The following ZSCAN5A variants were observed in gnomAD, a reference collection of about 807,000 sequenced individuals.
ZSCAN5A encodes zinc finger and SCAN domain containing 5A, also known as zinc finger and SCAN domain-containing protein 5A.
Under a neutral mutation model 23.7 loss-of-function variants are expected in ZSCAN5A, and 12 were observed. That is an observed-to-expected ratio of 0.51 (90% CI 0.32 to 0.82). The LOEUF is 0.82. ZSCAN5A is among the 40% of genes least tolerant of loss of function. The pLI is 0.03. For missense variants in ZSCAN5A, 597 were observed against 617.9 expected (o/e 0.97, Z 0.36); for synonymous variants, 257 against 239.9 (o/e 1.07, Z -0.66).
chr19:56,320,872 C>G, intron 2 of ZSCAN5A: 1 of 769,508 alleles, frequency 1.3e-6, no homozygotes, highest in Non-Finnish European at 2.4e-6. Flanking sequence ...GGACAAGCTT[C>G]ATGTAGAGTG....
intron 2 of ZSCAN5A, chr19:56,321,170 G>A: frequency 1.5e-6 from 1 of 657,648 alleles, no homozygotes; most frequent in South Asian, 1.5e-5. Flanking sequence ...CACAGCTCAG[G>A]TAATTACGTG....
At chr19:56,283,688 G>A (rs567193967) in intron 2 of ZSCAN5A, 1 of 152,160 alleles carries the variant, frequency 6.6e-6, no homozygotes. Flanking sequence ...AAGTCAGAGA[G>A]ATCTGAGTTT....
At chr19:56,259,791 TA>T (rs1028953385) in intron 2 of ZSCAN5A, among the ~76,000 whole-genome samples, 1 of 152,190 alleles carries the variant, frequency 6.6e-6, no homozygotes, top group Non-Finnish European at 1.5e-5. Flanking sequence ...CTGGGCAATG[TA>T]ACGAAACCCC....
At position 56,223,715 on chromosome 19, in the gene ZSCAN5A, C is replaced by T. The variant is rs201727637; in HGVS notation, c.504G>A (p.Ser168=). The T allele has an allele frequency of 6.2e-6, 10 of 1,613,836 alleles. No homozygotes were observed. The highest frequency in any genetic ancestry group is 3.3e-5 in the Admixed American group (2 of 60,002). Residue 168 remains serine, a synonymous_variant, in exon 4 of 6, where the codon TCG becomes TCA. Coordinates refer to ENST00000683990, the MANE Select transcript of ZSCAN5A (RefSeq NM_001322064.3). The part of the protein sequence containing the change: ...LKDVSSQRAS[S]VNQMRPGEGQ... The stretch of plus-strand genomic sequence containing the variant: ...CTTCCCCTGGACGCATCTGGTTCAC[C>T]GAGGAGGCCCGTTGGCTGGACACGT...
At chr19:56,244,968 G>C (rs968319905) in intron 2 of ZSCAN5A, among the ~76,000 whole-genome samples, 1 of 152,076 alleles carries the variant, frequency 6.6e-6, no homozygotes, top group Admixed American at 6.6e-5. Context: ...CAATTGAGTT[G>C]GATTCACCCA....
At chr19:56,334,100 G>C (rs2041513760) in intron 2 of ZSCAN5A, among the ~76,000 whole-genome samples, 1 of 152,154 alleles carries the variant, frequency 6.6e-6, no homozygotes, top group African/African-American at 2.4e-5. Context: ...GTCTGGAATG[G>C]GCAGGCCCAT....
At chr19:56,245,212 C>T (rs1402847521) in intron 2 of ZSCAN5A, 1 of 570,796 alleles carries the variant, frequency 1.8e-6, no homozygotes. Context: ...TGTCTTTTTT[C>T]TCTCTACAGT....
intron 2 of ZSCAN5A, among the ~76,000 whole-genome samples, chr19:56,358,843 T>G (rs991858734): frequency 1.3e-5 from 2 of 152,070 alleles, no homozygotes; most frequent in African/African-American, 4.8e-5. Flanking sequence ...ATAATAAAAC[T>G]GAGGCAGAAA....
intron 2 of ZSCAN5A, among the ~76,000 whole-genome samples, chr19:56,354,987 A>T (rs2041692511): frequency 6.6e-6 from 1 of 152,222 alleles, no homozygotes; most frequent in Non-Finnish European, 1.5e-5. Context: ...CCCAAAACTG[A>T]GGACCCCAAC....
intron 2 of ZSCAN5A, among the ~76,000 whole-genome samples, chr19:56,345,150 A>T (rs1307064097): frequency 6.6e-6 from 1 of 152,166 alleles, no homozygotes; most frequent in African/African-American, 2.4e-5. Context: ...AATTCTTAAG[A>T]CATTTCTAAT....
chr19:56,245,821 G>A (rs1229014941), intron 2 of ZSCAN5A, among the ~76,000 whole-genome samples: 2 of 152,130 alleles, frequency 1.3e-5, no homozygotes. Context: ...GGGTGATTTT[G>A]CCTTTCAGGA....
chr19:56,222,080 C>T lies in ZSCAN5A; in HGVS notation c.986G>A (p.Gly329Glu), dbSNP rs1230111602. The change falls in exon 6 of 6, where the codon GGG becomes GAG. Residue 329 changes from glycine (G) to glutamate (E), a missense_variant. By Grantham distance (98) the Gly-to-Glu change is moderately conservative. This residue lies in a region of ZSCAN5A where 406 missense variants were observed against 353.2 expected (regional missense o/e 1.15). Coordinates refer to ENST00000683990, the MANE Select transcript of ZSCAN5A (RefSeq NM_001322064.3). ...VGNRESPGQA[G>E]MNSIHSPGPA... ...GCCTGGGGAATGAATTGAATTCATC[C>T]CAGCTTGTCCCGGGGATTCTCTGTT... 23 of 1,613,896 alleles carry T rather than the reference C, an allele frequency of 1.4e-5. No individual in the cohort carries two copies. Among genetic ancestry groups the T allele is most frequent in the African/African-American group, 5.3e-5 (4 of 74,892 alleles).
At chr19:56,323,337 G>A (rs914587521) in intron 2 of ZSCAN5A, among the ~76,000 whole-genome samples, 1 of 151,740 alleles carries the variant, frequency 6.6e-6, no homozygotes, top group African/African-American at 2.4e-5. Context: ...CTGGGACTAG[G>A]TGCATAGTTT....
At position 56,223,743 on chromosome 19, in the gene ZSCAN5A, T is replaced by C. The variant is rs773253511; in HGVS notation, c.476A>G (p.Lys159Arg). Reference protein sequence around the residue: ...EAPSSVRDDLKDVSSQRASSV... With the variant: ...EAPSSVRDDLRDVSSQRASSV... The stretch of plus-strand genomic sequence containing the variant: ...GGAGGCCCGTTGGCTGGACACGTCT[T>C]TCAGATCATCTCTGACACTGGAGGG... The change falls in exon 4 of 6, where the codon AAA becomes AGA. Residue 159 changes from lysine (K) to arginine (R), a missense_variant. Lys to Arg is a conservative substitution (Grantham distance 26, BLOSUM62 2). Coordinates refer to ENST00000683990, the MANE Select transcript of ZSCAN5A (RefSeq NM_001322064.3). 6.2e-7 allele frequency: 1 copy of C among 1,613,834 alleles called. No individual in the cohort carries two copies. The highest frequency in any genetic ancestry group is 8.5e-7 in the Non-Finnish European group (1 of 1,179,952).
intron 2 of ZSCAN5A, among the ~76,000 whole-genome samples, chr19:56,349,425 G>A (rs372434420): frequency 3.3e-5 from 5 of 152,104 alleles, no homozygotes; most frequent in African/African-American, 1.2e-4. Context: ...GGCCGAGCGC[G>A]GTGGCTCACG....
chr19:56,342,992 G>A (rs572869581), intron 2 of ZSCAN5A: 40 of 848,068 alleles, frequency 4.7e-5, no homozygotes, highest in South Asian at 3.9e-4. Context: ...GCCTCCAATC[G>A]TCTTTTCAGA....
chr19:56,266,862 GCTTA>G (rs984925997), intron 2 of ZSCAN5A: 16 of 152,374 alleles, frequency 1.1e-4, no homozygotes, highest in Admixed American at 9.8e-4. Context: ...CCTGGTTTGT[GCTTA>G]CTATCATTCT....
chr19:56,223,121 G>A (rs564339019), intron 4 of ZSCAN5A, among the ~76,000 whole-genome samples: 214 of 152,108 alleles, frequency 1.4e-3, no homozygotes, highest in Non-Finnish European at 1.8e-3. Context: ...TGGAGGGGGC[G>A]CTCCTGTGCA....
chr19:56,348,816 A>G (rs1568763175), intron 2 of ZSCAN5A, among the ~76,000 whole-genome samples: 1 of 152,234 alleles, frequency 6.6e-6, no homozygotes, highest in Non-Finnish European at 1.5e-5. Flanking sequence ...TAGCCGAAAG[A>G]AATAAATTAG....
Sources: allele counts gnomAD v4.1 joint callset (sites outside exome capture counted in the v4.1 genomes callset), GRCh38; gene constraint gnomAD v4.1.1; regional missense constraint gnomAD v4.1.1; transcripts MANE v1.5; gene names NCBI Gene and HGNC (gene_info 2026-07-23, HGNC 2026-07-21).